Variants in ECT2 observed in about 807,000 individuals in gnomAD.
ECT2 encodes the protein epithelial cell transforming 2, also known as protein ECT2.
Under a neutral mutation model 116.9 loss-of-function variants are expected in ECT2, and 61 were observed. The ratio of observed to expected loss-of-function variants is 0.52; its 90% CI spans 0.42 to 0.65. ECT2 has a LOEUF of 0.65. Among genes scored for constraint, ECT2 ranks in the 30% least tolerant of loss-of-function variants. ECT2 has a pLI of 0.00. For synonymous variants in ECT2, 358 were observed against 346.4 expected (o/e 1.03, Z -0.37); for missense variants, 937 against 1,078.7 (o/e 0.87, Z 1.84).
At chr3:172,816,948 A>C (rs1458424269) in intron 24 of ECT2, 111 bp downstream of exon 24, 1 of 867,334 alleles carries the variant, frequency 1.2e-6, no homozygotes, top group African/African-American at 1.7e-5. Flanking sequence ...AATTTTAATA[A>C]TTTTATTTAA....
At chr3:172,800,353 C>T (rs1437272862) in intron 18 of ECT2, among the ~76,000 whole-genome samples, 2 of 152,178 alleles carry the variant, frequency 1.3e-5, no homozygotes, top group African/African-American at 4.8e-5. Flanking sequence ...GTTTTACTCA[C>T]CACTATCACT....
intron 22 of ECT2, among the ~76,000 whole-genome samples, chr3:172,813,797 CAG>C (rs760142072): frequency 6.6e-5 from 10 of 151,984 alleles, no homozygotes; most frequent in Admixed American, 1.3e-4. Context: ...GTGGTATAAT[CAG>C]AGATTTGTCA....
chr3:172,806,188 G>A (rs2109095248), intron 21 of ECT2: 1 of 176,774 alleles, frequency 5.7e-6, no homozygotes, highest in Admixed American at 5.7e-5. Context: ...TATTTTTTTG[G>A]TTCCTTCAGA....
chr3:172,777,228 A>G (rs1002375483), intron 14 of ECT2, among the ~76,000 whole-genome samples: 8 of 152,178 alleles, frequency 5.3e-5, no homozygotes, highest in African/African-American at 1.9e-4. Flanking sequence ...TTTCCTGTTT[A>G]TAAAATGGGG....
chr3:172,795,832 AT>A (rs1436919483), intron 18 of ECT2, among the ~76,000 whole-genome samples: 1 of 152,178 alleles, frequency 6.6e-6, no homozygotes, highest in East Asian at 1.9e-4. Flanking sequence ...ACAAAAACGA[AT>A]TGCTGAATAA....
Position 172,802,687 on chromosome 3 carries a change from G to T in ECT2, c.1979G>T (p.Gly660Val). 1 of 1,599,544 alleles carries T rather than the reference G, an allele frequency of 6.3e-7. No homozygotes were observed. The highest frequency in any genetic ancestry group is 8.5e-7 in the Non-Finnish European group (1 of 1,172,546). Residue 660 changes from glycine (G) to valine (V), a missense_variant, in exon 19 of 25, where the codon GGA becomes GTA. By Grantham distance (109) the Gly-to-Val change is moderately radical. Coordinates refer to ENST00000392692, the MANE Select transcript of ECT2 (RefSeq NM_001258315.2). ...QIFDVVYEVD[G>V]CPANLLSSHR... ...TTTGATGTTGTTTATGAAGTAGATG[G>T]ATGCCCAGTAAGTATTCTTCTTTAA...
Position 172,760,244 on chromosome 3 carries a change from C to A in ECT2, c.665C>A (p.Thr222Lys). ...SKVTHLVANC[T>K]QGEKFRVAVS... ...GTTACACATTTGGTGGCAAATTGTA[C>A]ACAAGGAGAAAAATTCAGGGTATGT... is the stretch of plus-strand genomic sequence containing the variant. The change falls in exon 7 of 25, where the codon ACA becomes AAA. Residue 222 changes from threonine to lysine, a missense_variant. By Grantham distance (78) the Thr-to-Lys change is moderately conservative. Transcript: ENST00000392692. 1 of 1,609,708 alleles carries A rather than the reference C, an allele frequency of 6.2e-7. No homozygotes were observed. The highest frequency in any genetic ancestry group is 1.7e-5 in the Admixed American group (1 of 59,622).
At chr3:172,809,479 A>C (rs1728363669) in intron 22 of ECT2, among the ~76,000 whole-genome samples, 1 of 151,902 alleles carries the variant, frequency 6.6e-6, no homozygotes, top group Non-Finnish European at 1.5e-5. Context: ...ACTTTGGTTG[A>C]GCCCTTTCCT....
chr3:172,804,313 A>G (rs1727286563), intron 20 of ECT2, among the ~76,000 whole-genome samples: 1 of 152,184 alleles, frequency 6.6e-6, no homozygotes, highest in Non-Finnish European at 1.5e-5. Context: ...TTTTGTTGTT[A>G]TGAGGCTAAA....
rs202142233 is a variant in ECT2 at position 172,809,587 on chromosome 3, ACACACACACACG to A, written c.2400+1676_2400+1687del. Among the ~76,000 whole-genome samples the A allele has an allele frequency of 7.3e-3, 1,100 of 151,488 alleles. 14 individuals are homozygous for A. The highest frequency in any genetic ancestry group is 0.025 in the African/African-American group (1,027 of 41,248). On this transcript the variant is annotated intron_variant, in intron 22 of 24. Transcript: ENST00000392692. ...TATATCTACACACACACACACACACACACACACACACGCACACACACACGTGAAAGATGTAAA... is the reference window on the plus strand; with the variant it reads ...TATATCTACACACACACACACACACACACACACACACGTGAAAGATGTAAA...
At chr3:172,755,886 A>C (rs1181397143) in intron 4 of ECT2, among the ~76,000 whole-genome samples, 1 of 152,238 alleles carries the variant, frequency 6.6e-6, no homozygotes, top group Non-Finnish European at 1.5e-5. Flanking sequence ...CCATAACAAA[A>C]TACCACATAG....
At chr3:172,818,477 T>C (rs1237837489) in intron 24 of ECT2, 7 of 961,006 alleles carry the variant, frequency 7.3e-6, no homozygotes, top group Non-Finnish European at 9.0e-6. Context: ...AGACAGCATA[T>C]GTAAGAAGCA....
chr3:172,807,899 C>T lies in ECT2; in HGVS notation c.2375C>T (p.Ala792Val). 1 of 1,613,506 alleles carries T rather than the reference C, an allele frequency of 6.2e-7. No individual in the cohort carries two copies. The highest frequency in any genetic ancestry group is 8.5e-7 in the Non-Finnish European group (1 of 1,179,692). The change falls in exon 22 of 25, where the codon GCT becomes GTT. Residue 792 changes from alanine to valine, a missense_variant. Physicochemically the swap from Ala to Val is moderately conservative, Grantham distance 64. Coordinates refer to ENST00000392692, the MANE Select transcript of ECT2 (RefSeq NM_001258315.2). ...CTAAAGATGCTGTGTCGACATGTAG[C>T]TAACACCATTTGTAAAGCAGATGCT... ...NWLKMLCRHV[A>V]NTICKADAEN...
At chr3:172,753,186 A>G (rs938123715) in intron 1 of ECT2, among the ~76,000 whole-genome samples, 1 of 152,086 alleles carries the variant, frequency 6.6e-6, no homozygotes, top group African/African-American at 2.4e-5. Context: ...TACAACCTCA[A>G]ACTCCTGGAT....
At chr3:172,771,414 A>T (rs1720612654) in intron 13 of ECT2, 1 of 152,174 alleles carries the variant, frequency 6.6e-6, no homozygotes, top group Non-Finnish European at 1.5e-5. Flanking sequence ...AATGAAGTGA[A>T]TTTTAAAGTA....
the ECT2 span, chr3:172,829,156 G>A: frequency 1.8e-6 from 1 of 556,544 alleles, no homozygotes; most frequent in Non-Finnish European, 3.3e-6. Flanking sequence ...AATGAACAGT[G>A]CCCCAGTGGT....
At chr3:172,780,054 A>G (rs1057076705) in intron 14 of ECT2, among the ~76,000 whole-genome samples, 4 of 152,146 alleles carry the variant, frequency 2.6e-5, no homozygotes, top group Non-Finnish European at 5.9e-5. Context: ...ACACCCAGCC[A>G]TAGGCAACCA....
At chr3:172,775,210 T>C (rs1211597534) in intron 14 of ECT2, among the ~76,000 whole-genome samples, 1 of 152,258 alleles carries the variant, frequency 6.6e-6, no homozygotes, top group African/African-American at 2.4e-5. Context: ...TTGAGCAAAG[T>C]TGATCAGTTT....
chr3:172,753,631 A>G (rs1161484628), intron 1 of ECT2, among the ~76,000 whole-genome samples: 1 of 152,206 alleles, frequency 6.6e-6, no homozygotes, highest in Non-Finnish European at 1.5e-5. Flanking sequence ...ACAGAGGATG[A>G]GTCAAGAGTG....
Sources: gnomAD v4.1 joint callset for allele counts (sites outside exome capture counted in the v4.1 genomes callset) on GRCh38, gnomAD v4.1.1 for gene constraint, MANE v1.5 for transcripts, NCBI Gene and HGNC (gene_info 2026-07-23, HGNC 2026-07-21) for gene names.